KLF7: variants seen among roughly 807,000 people sequenced by gnomAD.
KLF7 encodes the protein KLF transcription factor 7.
A neutral mutation model predicts 27.3 loss-of-function variants in KLF7; 2 were observed. The observed-to-expected ratio is 0.07, with a 90% CI of 0.03 to 0.23. The LOEUF is 0.23. KLF7 is among the 10% of genes least tolerant of loss of function. The probability of loss-of-function intolerance (pLI) is 1.00; values close to 1 mark genes in which losing one functional copy is unlikely to be tolerated. For missense variants in KLF7, 221 were observed against 394.1 expected, an observed-to-expected ratio of 0.56 and a Z score of 3.72; for synonymous variants, 165 against 162.4, an observed-to-expected ratio of 1.02 and a Z score of -0.12.
At chr2:207,165,027 A>G in intron 1 of KLF7, among the ~76,000 whole-genome samples, 1 of 149,006 alleles carries the variant, frequency 6.7e-6, no homozygotes, top group Non-Finnish European at 1.5e-5. Context: ...GATGGTCATA[A>G]GCACCAGTTG....
At chr2:207,141,005 T>C (rs1030751419) in intron 1 of KLF7, among the ~76,000 whole-genome samples, 12 of 152,230 alleles carry the variant, frequency 7.9e-5, no homozygotes, top group South Asian at 6.2e-4. Context: ...TAATTAGCTC[T>C]ATGCGTTTCC....
At chr2:207,133,751 G>C (rs556201615) in intron 1 of KLF7, among the ~76,000 whole-genome samples, 1 of 152,152 alleles carries the variant, frequency 6.6e-6, no homozygotes, top group South Asian at 2.1e-4. Context: ...GGGAGGGGGG[G>C]AGCCATCATT....
intron 1 of KLF7, among the ~76,000 whole-genome samples, chr2:207,134,873 A>G (rs1315374279): frequency 1.3e-5 from 2 of 152,328 alleles, no homozygotes; most frequent in African/African-American, 4.8e-5. Flanking sequence ...CCTACAACGC[A>G]GAAGCATTGT....
At chr2:207,090,943 C>G (rs921096448) in intron 2 of KLF7, among the ~76,000 whole-genome samples, 20 of 152,258 alleles carry the variant, frequency 1.3e-4, no homozygotes, top group African/African-American at 4.3e-4. Context: ...GCCCTCCACC[C>G]ATGAAGGCCT....
In KLF7 at chr2:207,078,101, T is replaced by A. The variant is rs2076208374; in HGVS notation, c.*3112A>T. On this transcript the variant is annotated 3_prime_UTR_variant, in exon 4 of 4. Coordinates refer to ENST00000309446, the MANE Select transcript of KLF7 (RefSeq NM_003709.4). Reference sequence around the variant, plus strand: ...GTAACCATCTCTGCCACTGCAGAGGTGATGGACGTTTTATTACAAATCCAT... The same window carrying A: ...GTAACCATCTCTGCCACTGCAGAGGAGATGGACGTTTTATTACAAATCCAT... The A allele has an allele frequency of 6.6e-6, 1 of 152,190 alleles. No homozygotes were observed. The highest frequency in any genetic ancestry group is 2.1e-4 in the South Asian group (1 of 4,832). The allele number at this position is 152,190 out of a possible 1,614,324, so 9.4% of individuals were successfully genotyped here.
intron 2 of KLF7, among the ~76,000 whole-genome samples, chr2:207,103,391 G>T (rs1002514536): frequency 1.3e-5 from 2 of 152,182 alleles, no homozygotes; most frequent in Admixed American, 1.3e-4. Context: ...GTGACCAACA[G>T]AACAAAAGGA....
chr2:207,166,680 G>A, upstream of KLF7: 2 of 478,984 alleles, frequency 4.2e-6, no homozygotes, highest in Non-Finnish European at 5.4e-6. Flanking sequence ...GGGAAGGAAG[G>A]ACAGTGGCCA....
intron 1 of KLF7, chr2:207,149,117 C>A: frequency 7.8e-7 from 1 of 1,279,274 alleles, no homozygotes; most frequent in Non-Finnish European, 1.0e-6. Context: ...GTCTTTTCCC[C>A]AGTCCCACCC....
chr2:207,108,303 A>G (rs1283553874), intron 2 of KLF7, among the ~76,000 whole-genome samples: 1 of 152,264 alleles, frequency 6.6e-6, no homozygotes, highest in Non-Finnish European at 1.5e-5. Context: ...AATTATCAGC[A>G]AGGAAAAGGC....
the KLF7 span, among the ~76,000 whole-genome samples, chr2:207,172,831 T>C: frequency 3.3e-5 from 5 of 152,350 alleles, no homozygotes; most frequent in African/African-American, 1.2e-4. Context: ...TCTAACACTT[T>C]TGGCACGATT....
intron 1 of KLF7, among the ~76,000 whole-genome samples, chr2:207,131,865 G>A (rs2077645686): frequency 6.6e-6 from 1 of 152,166 alleles, no homozygotes; most frequent in African/African-American, 2.4e-5. Flanking sequence ...GGAAGTCCAT[G>A]AGACAATCTC....
intron 1 of KLF7, among the ~76,000 whole-genome samples, chr2:207,161,494 G>A (rs558398011): frequency 2.6e-5 from 4 of 152,312 alleles, no homozygotes; most frequent in South Asian, 2.1e-4. Flanking sequence ...GCAAACCTAC[G>A]GATGGACAGA....
At chr2:207,112,520 T>C (rs995683685) in intron 2 of KLF7, among the ~76,000 whole-genome samples, 1 of 152,218 alleles carries the variant, frequency 6.6e-6, no homozygotes. Context: ...GTAACAGCCA[T>C]TAGTGTCAAA....
intron 2 of KLF7, among the ~76,000 whole-genome samples, chr2:207,116,290 T>C (rs947199688): frequency 6.6e-6 from 1 of 152,224 alleles, no homozygotes; most frequent in Non-Finnish European, 1.5e-5. Context: ...TAATTTCTAC[T>C]ACATTCAAGC....
upstream of KLF7, among the ~76,000 whole-genome samples, chr2:207,168,394 T>C (rs1298198158): frequency 3.3e-5 from 5 of 152,178 alleles, no homozygotes; most frequent in Non-Finnish European, 5.9e-5. Flanking sequence ...ATCCCCAACT[T>C]TATGGATGAA....
chr2:207,117,609 A>C (rs1402260210), intron 2 of KLF7, among the ~76,000 whole-genome samples: 2 of 152,160 alleles, frequency 1.3e-5, no homozygotes, highest in Non-Finnish European at 2.9e-5. Context: ...CTATTGTATA[A>C]ATTCAAAGAA....
At chr2:207,098,541 C>T (rs756937132) in intron 2 of KLF7, among the ~76,000 whole-genome samples, 7 of 152,032 alleles carry the variant, frequency 4.6e-5, no homozygotes, top group Admixed American at 3.3e-4. Flanking sequence ...TCAACCTTTG[C>T]TTTTTGTTTT....
At chr2:207,085,980 G>A (rs1002519127) in intron 3 of KLF7, among the ~76,000 whole-genome samples, 22 of 110,550 alleles carry the variant, frequency 2.0e-4, no homozygotes, top group Non-Finnish European at 3.3e-4. Context: ...GATTTTAAAT[G>A]TTGGCCAAAA....
intron 1 of KLF7, among the ~76,000 whole-genome samples, chr2:207,162,598 T>C (rs185028892): frequency 1.3e-5 from 2 of 152,202 alleles, no homozygotes; most frequent in African/African-American, 2.4e-5. Flanking sequence ...GAAAATCCAA[T>C]GTCAAAACGA....
Sources: gnomAD v4.1 joint callset for allele counts (sites outside exome capture counted in the v4.1 genomes callset) on GRCh38, gnomAD v4.1.1 for gene constraint, MANE v1.5 for transcripts, NCBI Gene and HGNC (gene_info 2026-07-23, HGNC 2026-07-21) for gene names.